Variants in CX3CR1 observed in about 807,000 individuals in gnomAD.
CX3CR1 encodes the protein C-X3-C motif chemokine receptor 1, also known as CX3C chemokine receptor 1.
For missense variants in CX3CR1, 363 were observed against 432.4 expected (o/e 0.84, Z 1.42); for synonymous variants, 168 against 178.5 (o/e 0.94, Z 0.47).
At chr3:39,281,485 C>T, upstream of CX3CR1, 1 of 887,100 alleles carries the variant, frequency 1.1e-6, no homozygotes, top group Non-Finnish European at 1.7e-6. Flanking sequence ...ACAGTCTCAT[C>T]CACCCCACAT....
intron 1 of CX3CR1, among the ~76,000 whole-genome samples, chr3:39,279,228 A>G (rs1307984224): frequency 6.6e-6 from 1 of 152,088 alleles, no homozygotes; most frequent in Non-Finnish European, 1.5e-5. Context: ...TAGATGGTAC[A>G]AAAAGTGGAA....
At chr3:39,282,258 A>G (rs548372971), upstream of CX3CR1, among the ~76,000 whole-genome samples, 36 of 152,194 alleles carry the variant, frequency 2.4e-4, no homozygotes, top group South Asian at 5.6e-3. Context: ...GGCCTCTGTA[A>G]AGGAGTCTCT....
chr3:39,265,796 G>T lies in CX3CR1; in HGVS notation c.714C>A (p.Ile238=), dbSNP rs2040687549. 1 of 1,614,034 alleles carries T rather than the reference G, an allele frequency of 6.2e-7. No individual in the cohort carries two copies. Among genetic ancestry groups the T allele is most frequent in the Admixed American group, 1.7e-5 (1 of 60,006 alleles). The part of the protein sequence containing the change: ...KAIKLILLVV[I]VFFLFWTPYN... ...AGGGTGTCCAGAAGAGGAAAAACAC[G>T]ATGACCACCAGAAGGATCAGTTTAA... The change falls in exon 2 of 2, where the codon ATC becomes ATA. Residue 238 remains isoleucine, a synonymous_variant. Coordinates refer to ENST00000399220, the MANE Select transcript of CX3CR1 (RefSeq NM_001337.4).
the CX3CR1 span, among the ~76,000 whole-genome samples, chr3:39,290,860 G>A: frequency 2.0e-5 from 3 of 151,916 alleles, no homozygotes; most frequent in Non-Finnish European, 2.9e-5. Flanking sequence ...GGCGGAGGTT[G>A]CAGTGAGCTG....
upstream of CX3CR1, among the ~76,000 whole-genome samples, chr3:39,283,975 A>G (rs2125558727): frequency 6.6e-6 from 1 of 151,690 alleles, no homozygotes; most frequent in East Asian, 2.0e-4. Flanking sequence ...GATTGTGTGT[A>G]ACACAAAGGA....
At chr3:39,276,754 C>G (rs2040845392) in intron 1 of CX3CR1, among the ~76,000 whole-genome samples, 1 of 152,046 alleles carries the variant, frequency 6.6e-6, no homozygotes, top group Non-Finnish European at 1.5e-5. Flanking sequence ...AGTCTTGAGC[C>G]AAACCAAAAA....
At chr3:39,281,720 A>G, upstream of CX3CR1, 1 of 1,554,054 alleles carries the variant, frequency 6.4e-7, no homozygotes, top group Non-Finnish European at 8.8e-7. Context: ...ACGGCCTGGT[A>G]AGCACGGCCC....
rs536007937 is a variant in CX3CR1 at position 39,277,850 on chromosome 3, A to G, written c.-10+2104T>C. The stretch of plus-strand genomic sequence containing the variant: ...CAATAGTAGTCAGTGTTTTTCAGGT[A>G]TCCAAACTTTCTGAGGCTCAGTTTC... On this transcript the variant is annotated intron_variant, in intron 1 of 1. Transcript: ENST00000399220. Among the ~76,000 whole-genome samples, 6 of 152,338 alleles carry G rather than the reference A, an allele frequency of 3.9e-5. No individual in the cohort carries two copies. The South Asian group carries it at 1.2e-3, about 32-fold the overall frequency.
chr3:39,292,429 C>A, the CX3CR1 span, among the ~76,000 whole-genome samples: 5 of 152,184 alleles, frequency 3.3e-5, no homozygotes, highest in African/African-American at 1.2e-4. Context: ...TGTAAAGGGC[C>A]TCCTGGTTTT....
At chr3:39,292,878 C>A in the CX3CR1 span, among the ~76,000 whole-genome samples, 1 of 152,194 alleles carries the variant, frequency 6.6e-6, no homozygotes. Context: ...CTTTGACACC[C>A]TAGACAATCT....
chr3:39,292,466 C>G, the CX3CR1 span, among the ~76,000 whole-genome samples: 1 of 152,168 alleles, frequency 6.6e-6, no homozygotes, highest in African/African-American at 2.4e-5. Context: ...CTCCTCATCT[C>G]TCATAAGCCA....
the CX3CR1 span, among the ~76,000 whole-genome samples, chr3:39,290,135 AG>A: frequency 6.6e-6 from 1 of 152,222 alleles, no homozygotes; most frequent in Non-Finnish European, 1.5e-5. Flanking sequence ...CAAAGGAACC[AG>A]GGAGCATGTC....
intron 1 of CX3CR1, among the ~76,000 whole-genome samples, chr3:39,268,263 A>G (rs2040729309): frequency 6.6e-6 from 1 of 152,190 alleles, no homozygotes; most frequent in South Asian, 2.1e-4. Flanking sequence ...ACCCCAGGGA[A>G]CGTGTATGCT....
chr3:39,275,274 C>T (rs1333831046), intron 1 of CX3CR1, among the ~76,000 whole-genome samples: 13 of 152,182 alleles, frequency 8.5e-5, no homozygotes, highest in African/African-American at 2.4e-4. Context: ...AGGACCTGGG[C>T]GTCATCTCTT....
At chr3:39,277,534 G>C (rs536352769) in intron 1 of CX3CR1, among the ~76,000 whole-genome samples, 12 of 152,308 alleles carry the variant, frequency 7.9e-5, no homozygotes, top group Admixed American at 1.3e-4. Flanking sequence ...TCCATTACAG[G>C]TGCTGGTTCC....
rs375655214 is a variant in CX3CR1, at chr3:39,266,486, C to T, written c.24G>A (p.Val8=). The T allele has an allele frequency of 1.5e-3, 2,354 of 1,613,852 alleles. 13 individuals are homozygous for T. The highest frequency in any genetic ancestry group is 8.7e-3 in the South Asian group (791 of 91,058). MDQFPES[V]TENFEYDDLA... is the part of the protein sequence containing the mutation. Reference sequence around the variant, plus strand: ...AATCATCGTACTCAAAGTTTTCTGTCACTGATTCAGGGAACTGATCCATGG... The same window carrying T: ...AATCATCGTACTCAAAGTTTTCTGTTACTGATTCAGGGAACTGATCCATGG... The change falls in exon 2 of 2, where the codon GTG becomes GTA. Residue 8 remains valine, a synonymous_variant. Coordinates refer to ENST00000399220, the MANE Select transcript of CX3CR1 (RefSeq NM_001337.4).
chr3:39,292,614 C>CACA, the CX3CR1 span, among the ~76,000 whole-genome samples: 6 of 152,216 alleles, frequency 3.9e-5, no homozygotes, highest in African/African-American at 1.4e-4. Context: ...GTGCCAGGAC[C>CACA]TGTGCTAAGT....
chr3:39,280,997 TG>T, upstream of CX3CR1: 1 of 784,626 alleles, frequency 1.3e-6, no homozygotes. Context: ...AAGGCCCCTC[TG>T]GCCCCTTGCT....
chr3:39,269,691 G>C (rs759057652), intron 1 of CX3CR1, among the ~76,000 whole-genome samples: 7 of 152,176 alleles, frequency 4.6e-5, no homozygotes, highest in Non-Finnish European at 8.8e-5. Context: ...TGCTCAGTGA[G>C]GGCAGACGAA....
Sources: allele counts gnomAD v4.1 joint callset (sites outside exome capture counted in the v4.1 genomes callset), GRCh38; gene constraint gnomAD v4.1.1; transcripts MANE v1.5; gene names NCBI Gene and HGNC (gene_info 2026-07-23, HGNC 2026-07-21).